TINAGL1: variants seen among roughly 807,000 people sequenced by gnomAD.
The protein encoded by TINAGL1 is tubulointerstitial nephritis antigen-like.
In TINAGL1, 34 loss-of-function variants were observed where a neutral mutation model predicts 62.0. The ratio of observed to expected loss-of-function variants is 0.55; its 90% CI spans 0.42 to 0.73. The LOEUF is 0.73. Among genes scored for constraint, TINAGL1 ranks in the 30% least tolerant of loss-of-function variants. TINAGL1 has a pLI of 0.00. For synonymous variants in TINAGL1, 221 were observed against 249.7 expected, an observed-to-expected ratio of 0.88 and a Z score of 1.08; for missense variants, 516 against 653.2, an observed-to-expected ratio of 0.79 and a Z score of 2.29.
chr1:31,585,378 GGTT>G lies in TINAGL1; in HGVS notation c.1047+41_1047+43del. ...TTGGGTGAGGGCGCCGAGGCAGGAG[GGTT>G]GTGAAAGCCTGGAGTCTCACCCCTG... On this transcript the variant is annotated intron_variant, in intron 8 of 11. Transcript: ENST00000271064. This position sits in a 1 kb window ranked among gnomAD's most constrained non-coding sequence, Gnocchi z 4.3. The G allele has an allele frequency of 1.2e-6, 2 of 1,607,044 alleles. No homozygotes were observed. Among genetic ancestry groups the G allele is most frequent in the East Asian group, 4.5e-5 (2 of 44,724 alleles).
chr1:31,576,885 C>T lies in TINAGL1; in HGVS notation c.-15-249C>T, dbSNP rs56168987. Reference sequence around the variant, plus strand: ...TTGGGTGGGAGCACCAAGAATGCCACCACCCTCATTTCCTTGTCCTTGAAG... The same window carrying T: ...TTGGGTGGGAGCACCAAGAATGCCATCACCCTCATTTCCTTGTCCTTGAAG... On this transcript the variant is annotated intron_variant, in intron 1 of 11. Transcript: ENST00000271064. This position sits in a 1 kb window ranked among gnomAD's most constrained non-coding sequence, Gnocchi z 5.1. The T allele has an allele frequency of 0.016, 6,842 of 436,616 alleles. 85 individuals carry two copies. Among genetic ancestry groups the T allele is most frequent in the Non-Finnish European group, 0.019 (4,665 of 247,084 alleles). 27.0% of individuals were successfully genotyped at this position (436,616 alleles called of 1,614,324 possible).
In TINAGL1 at chr1:31,577,580, C is replaced by A; in HGVS notation, c.310+122C>A. The A allele has an allele frequency of 9.2e-7, 1 of 1,086,874 alleles. No homozygotes were observed. Among genetic ancestry groups the A allele is most frequent in the Non-Finnish European group, 1.3e-6 (1 of 764,828 alleles). 67.3% of individuals were successfully genotyped at this position (1,086,874 alleles called of 1,614,324 possible). A position where few individuals can be genotyped will look rare whatever the true frequency, so the allele number is the denominator to read the frequency against. ...GGGAAGCTCTGTAGAATCTGGGACT[C>A]TTCCCTGCCCCTCTGGGAACTTTAC... On this transcript the variant is annotated intron_variant, in intron 2 of 11. Transcript: ENST00000271064. The surrounding 1 kb of genome is among the most constrained non-coding windows in gnomAD (Gnocchi z 5.4).
At chr1:31,580,199 C>CTCTCTCTCTCTCCCTCTCTCTCTG (rs1639192318) in intron 3 of TINAGL1, 1 of 389,506 alleles carries the variant, frequency 2.6e-6, no homozygotes, top group Non-Finnish European at 3.2e-6. Flanking sequence ...CTCTCTCTCT[C>CTCTCTCTCTCTCCCTCTCTCTCTG]TCTCTCTCTC....
chr1:31,585,340 C>A lies in TINAGL1; in HGVS notation c.1047C>A (p.Asn349Lys), dbSNP rs201061064. Residue 349 changes from asparagine (N) to lysine (K), a missense_variant and splice_region_variant, in exon 8 of 12, where the codon AAC (asparagine) becomes AAA (lysine). Physicochemically the swap from Asn to Lys is moderately conservative, Grantham distance 94. Transcript: ENST00000271064. The surrounding 1 kb of genome is among the most constrained non-coding windows in gnomAD (Gnocchi z 4.3). The part of the protein sequence containing the change: ...QVTPVYRLGS[N>K]DKEIMKELME... ...CTCCTGTCTACCGCCTCGGCTCCAA[C>A]GTAAGTCAGCACTTGGGTGAGGGCG... 2.7e-5 allele frequency: 44 copies of A among 1,603,780 alleles called. No individual in the cohort carries two copies. Among genetic ancestry groups the A allele is most frequent in the Admixed American group, 1.0e-4 (6 of 59,058 alleles).
At position 31,583,264 on chromosome 1, in the gene TINAGL1, T is replaced by A; in HGVS notation, c.467+23T>A. The A allele has an allele frequency of 6.2e-7, 1 of 1,609,082 alleles. No homozygotes were observed. The highest frequency in any genetic ancestry group is 8.5e-7 in the Non-Finnish European group (1 of 1,175,440). ...TGGGTGAGAGGCCCTAGAGGCACCC[T>A]CAGTGGGCACACATGCATACTCATG... is the stretch of plus-strand genomic sequence containing the variant. On this transcript the variant is annotated intron_variant, in intron 4 of 11. Transcript: ENST00000271064. The surrounding 1 kb of genome is among the most constrained non-coding windows in gnomAD (Gnocchi z 4.4).
chr1:31,579,558 C>T (rs1639148271), intron 3 of TINAGL1, among the ~76,000 whole-genome samples: 2 of 151,944 alleles, frequency 1.3e-5, no homozygotes, highest in South Asian at 4.1e-4. Context: ...TTCCTCCCAG[C>T]TATTCCTGCT....
At chr1:31,580,162 G>T (rs1331317476) in intron 3 of TINAGL1, 6 of 474,130 alleles carry the variant, frequency 1.3e-5, no homozygotes, top group Admixed American at 6.7e-5. Flanking sequence ...GGGTTAATGC[G>T]CTCTCTCTCT....
intron 2 of TINAGL1, among the ~76,000 whole-genome samples, chr1:31,578,723 G>C (rs1348326907): frequency 7.3e-6 from 1 of 137,928 alleles, no homozygotes; most frequent in Non-Finnish European, 1.5e-5. Context: ...GAGAGCTGGT[G>C]TGTGTGTGTG....
Position 31,585,957 on chromosome 1 carries a change from A to G in TINAGL1, c.1217+81A>G. ...CTGGAGCCTGCCTTGGGTTCTTACAACCTCTCTAAAAAGCCAGGACTGCTC... is the reference window on the plus strand; with the variant it reads ...CTGGAGCCTGCCTTGGGTTCTTACAGCCTCTCTAAAAAGCCAGGACTGCTC... On this transcript the variant is annotated intron_variant, in intron 10 of 11. Transcript: ENST00000271064. The surrounding 1 kb of genome is among the most constrained non-coding windows in gnomAD (Gnocchi z 4.3). 6.9e-7 allele frequency: 1 copy of G among 1,459,230 alleles called. No homozygotes were observed. Among genetic ancestry groups the G allele is most frequent in the Non-Finnish European group, 9.1e-7 (1 of 1,100,970 alleles). 90.4% of individuals were successfully genotyped at this position (1,459,230 alleles called of 1,614,324 possible).
At chr1:31,581,934 T>C (rs1346962993) in intron 3 of TINAGL1, among the ~76,000 whole-genome samples, 3 of 152,182 alleles carry the variant, frequency 2.0e-5, no homozygotes, top group African/African-American at 4.8e-5. Flanking sequence ...CAAATATTCA[T>C]TGGGTGCTTA....
rs769444126 is a variant in TINAGL1 at position 31,584,735 on chromosome 1, C to T, written c.640C>T (p.Pro214Ser). ...PTAFEASEKW[P>S]NLIHEPLDQG... ...AGCCTTCGAGGCCTCTGAGAAGTGG[C>T]CCAACCTGATTCATGAGCCTCTTGA... is the stretch of plus-strand genomic sequence containing the variant. Residue 214 changes from proline to serine, a missense_variant, in exon 6 of 12, where the codon CCC becomes TCC. Pro to Ser is a moderately conservative substitution (Grantham distance 74). Transcript: ENST00000271064. This position sits in a 1 kb window ranked among gnomAD's most constrained non-coding sequence, Gnocchi z 4.0. 5 of 1,614,074 alleles carry T rather than the reference C, an allele frequency of 3.1e-6. No homozygotes were observed. Among genetic ancestry groups the T allele is most frequent in the Non-Finnish European group, 4.2e-6 (5 of 1,180,040 alleles).
At chr1:31,580,824 G>A in intron 3 of TINAGL1, 1 of 1,183,028 alleles carries the variant, frequency 8.5e-7, no homozygotes, top group African/African-American at 1.6e-5. Flanking sequence ...CAGGCACTAT[G>A]CTGAGCTCAG....
chr1:31,585,307 C>T lies in TINAGL1; in HGVS notation c.1014C>T (p.Tyr338=), dbSNP rs765902313. 13 of 1,609,082 alleles carry T rather than the reference C, an allele frequency of 8.1e-6. No homozygotes were observed. In the Admixed American group the frequency reaches 2.0e-4, roughly 25 times the overall value. The change falls in exon 8 of 12, where the codon TAC becomes TAT. Residue 338 remains tyrosine (Y), a synonymous_variant. Transcript: ENST00000271064. This position sits in a 1 kb window ranked among gnomAD's most constrained non-coding sequence, Gnocchi z 4.3. ...PNSYVNNNDI[Y]QVTPVYRLGS... ...GCTATGTTAATAACAATGACATCTACCAGGTCACTCCTGTCTACCGCCTCG... is the reference window on the plus strand; with the variant it reads ...GCTATGTTAATAACAATGACATCTATCAGGTCACTCCTGTCTACCGCCTCG...
At position 31,585,081 on chromosome 1, in the gene TINAGL1, T is replaced by A. The variant is rs538011714; in HGVS notation, c.857+45T>A. 3.8e-6 allele frequency: 6 copies of A among 1,568,826 alleles called. No individual in the cohort carries two copies. The South Asian group carries it at 7.0e-5, about 18-fold the overall frequency. ...GTGGGCAGAGAAGAGGGCAAGGAGCTCCGTGGGCATGGCCTGGGCCATGAT... is the reference window on the plus strand; with the variant it reads ...GTGGGCAGAGAAGAGGGCAAGGAGCACCGTGGGCATGGCCTGGGCCATGAT... On this transcript the variant is annotated intron_variant, in intron 7 of 11. Transcript: ENST00000271064. This position sits in a 1 kb window ranked among gnomAD's most constrained non-coding sequence, Gnocchi z 4.3.
In TINAGL1 at chr1:31,585,758, A is replaced by T; in HGVS notation, c.1099A>T (p.Met367Leu). ...ACCTTGACATCTGCCCACAGCCCTC[A>T]TGGAGGTGCATGAGGACTTCTTCCT... ...LMENGPVQAL[M>L]EVHEDFFLYK... The change falls in exon 10 of 12, where the codon ATG (methionine) becomes TTG (leucine). Residue 367 changes from methionine (M) to leucine (L), a missense_variant. Met to Leu is a conservative substitution (Grantham distance 15, BLOSUM62 2). Coordinates refer to ENST00000271064, the MANE Select transcript of TINAGL1 (RefSeq NM_022164.3). The surrounding 1 kb of genome is among the most constrained non-coding windows in gnomAD (Gnocchi z 4.3). 1 of 1,613,246 alleles carries T rather than the reference A, an allele frequency of 6.2e-7. No individual in the cohort carries two copies. Among genetic ancestry groups the T allele is most frequent in the Non-Finnish European group, 8.5e-7 (1 of 1,179,604 alleles).
rs974641367 is a variant in TINAGL1, at chr1:31,577,766, T to C, written c.310+308T>C. 3.0e-6 allele frequency: 1 copy of C among 336,694 alleles called. No individual in the cohort carries two copies. Among genetic ancestry groups the C allele is most frequent in the East Asian group, 5.2e-5 (1 of 19,192 alleles). The allele number at this position is 336,694 out of a possible 1,614,324, so 20.9% of individuals were successfully genotyped here. A position where few individuals can be genotyped will look rare whatever the true frequency, so the allele number is the denominator to read the frequency against. On this transcript the variant is annotated intron_variant, in intron 2 of 11. Coordinates refer to ENST00000271064, the MANE Select transcript of TINAGL1 (RefSeq NM_022164.3). The surrounding 1 kb of genome is among the most constrained non-coding windows in gnomAD (Gnocchi z 5.4). Reference sequence around the variant, plus strand: ...TTGGGCTGATAAGGCACATATGGGTTGGTGAGGGTCATCTTAGCCATTTTT... The same window carrying C: ...TTGGGCTGATAAGGCACATATGGGTCGGTGAGGGTCATCTTAGCCATTTTT...
rs990484724 is a variant in TINAGL1 at position 31,583,962 on chromosome 1, C to T, written c.582+387C>T. The T allele has an allele frequency of 4.2e-5, 8 of 190,526 alleles. 1 individual carries two copies. The highest frequency in any genetic ancestry group is 3.7e-4 in the East Asian group (3 of 8,062). The allele number at this position is 190,526 out of a possible 1,614,324, so 11.8% of individuals were successfully genotyped here. On this transcript the variant is annotated intron_variant, in intron 5 of 11. Coordinates refer to ENST00000271064, the MANE Select transcript of TINAGL1 (RefSeq NM_022164.3). This position sits in a 1 kb window ranked among gnomAD's most constrained non-coding sequence, Gnocchi z 4.4. ...GGCAGCAGTTCTCGGAAATAAATGC[C>T]GGTTCAGCGGAACCCCAAGGGAGGA...
chr1:31,580,481 C>T (rs1639214300), intron 3 of TINAGL1: 7 of 1,289,096 alleles, frequency 5.4e-6, no homozygotes, highest in Admixed American at 2.3e-5. Flanking sequence ...AGAGTCTAGT[C>T]GGGTGCTGCT....
intron 10 of TINAGL1, chr1:31,586,233 G>A (rs772267414): frequency 3.3e-5 from 10 of 301,642 alleles, no homozygotes; most frequent in Admixed American, 4.7e-5. Context: ...TTCCCTATCC[G>A]ATTTAGGGAA....
Sources: gnomAD v4.1 joint callset for allele counts (sites outside exome capture counted in the v4.1 genomes callset) on GRCh38, gnomAD v4.1.1 for gene constraint, Gnocchi (gnomAD v3.1) non-coding constraint, MANE v1.5 for transcripts, NCBI Gene and HGNC (gene_info 2026-07-23, HGNC 2026-07-21) for gene names.